The following STARD8 variants were observed in gnomAD, a reference collection of about 807,000 sequenced individuals.
The protein encoded by STARD8 is stAR-related lipid transfer protein 8.
In STARD8, 25 loss-of-function variants were observed where a neutral mutation model predicts 69.4. The observed-to-expected ratio is 0.36, with a 90% confidence interval of 0.26 to 0.50. The LOEUF is 0.50. Among genes scored for constraint, STARD8 ranks in the 20% least tolerant of loss-of-function variants. The pLI is 0.96. For synonymous variants in STARD8, 389 were observed against 374.6 expected (o/e 1.04, Z -0.45); for missense variants, 921 against 932.5 (o/e 0.99, Z 0.16).
intron 2 of STARD8, among the ~76,000 whole-genome samples, chrX:68,670,093 T>C (rs999107501): frequency 2.7e-5 from 3 of 112,253 alleles, no homozygotes. Context: ...AGGGAGCATC[T>C]GGAATTTATT....
At chrX:68,654,343 C>T (rs2079598437) in intron 1 of STARD8, among the ~76,000 whole-genome samples, 1 of 111,699 alleles carries the variant, frequency 9.0e-6, no homozygotes, top group African/African-American at 3.3e-5. Flanking sequence ...ACACATGCCA[C>T]ACACACACAT....
chrX:68,723,959 A>G lies in STARD8; in HGVS notation c.3032A>G (p.Asp1011Gly). The G allele has an allele frequency of 8.3e-7, 1 of 1,211,655 alleles. No homozygotes were observed. The highest frequency in any genetic ancestry group is 1.1e-6 in the Non-Finnish European group (1 of 895,418). The change falls in exon 14 of 15, where the codon GAC (aspartate) becomes GGC (glycine). Residue 1011 changes from aspartate to glycine, a missense_variant. Transcript: ENST00000374599. ...TTCTCCAATAGGATGTGGCGCTCTG[A>G]CCTGCCTCGTGGGGGTTGCCTGCTT... ...DFVVLRMWRS[D>G]LPRGGCLLVS...
intron 2 of STARD8, among the ~76,000 whole-genome samples, chrX:68,699,720 A>G (rs1472086053): frequency 8.9e-6 from 1 of 112,022 alleles, no homozygotes; most frequent in Non-Finnish European, 1.9e-5. Context: ...GGGCACTGGA[A>G]ACCCCTCACT....
chrX:68,703,193 G>A (rs1171496528), intron 2 of STARD8, among the ~76,000 whole-genome samples: 1 of 112,076 alleles, frequency 8.9e-6, no homozygotes, highest in Non-Finnish European at 1.9e-5. Flanking sequence ...CCGGGAGGTC[G>A]AGGCTGCAGT....
chrX:68,662,573 G>A (rs1046312303), intron 1 of STARD8, among the ~76,000 whole-genome samples: 7 of 111,695 alleles, frequency 6.3e-5, no homozygotes, highest in African/African-American at 2.3e-4. Flanking sequence ...TCCTAAATGT[G>A]ACAGTTCTGG....
intron 2 of STARD8, among the ~76,000 whole-genome samples, chrX:68,684,009 T>C (rs1466707066): frequency 8.9e-6 from 1 of 112,689 alleles, no homozygotes; most frequent in Non-Finnish European, 1.9e-5. Context: ...TGATGATATA[T>C]ATACTTCAGA....
At chrX:68,656,728 A>G (rs367839144) in intron 1 of STARD8, among the ~76,000 whole-genome samples, 3 of 111,425 alleles carry the variant, frequency 2.7e-5, no homozygotes, top group East Asian at 5.7e-4. Flanking sequence ...TGAAGATGGA[A>G]ACCATCATTC....
intron 2 of STARD8, among the ~76,000 whole-genome samples, chrX:68,675,314 G>A (rs1200398089): frequency 1.8e-5 from 2 of 110,650 alleles, no homozygotes; most frequent in South Asian, 3.8e-4. Context: ...GGCTGGTCTC[G>A]AACTCCTGAC....
intron 6 of STARD8, 140 bp downstream of exon 6, chrX:68,718,769 A>G: frequency 7.6e-6 from 8 of 1,055,606 alleles, no homozygotes; most frequent in Non-Finnish European, 9.8e-6. Context: ...CAGGAGAGAG[A>G]GTACAGGACT....
At chrX:68,652,927 A>C (rs2079563605) in intron 1 of STARD8, among the ~76,000 whole-genome samples, 5 of 31,886 alleles carry the variant, frequency 1.6e-4, no homozygotes, top group East Asian at 1.2e-3. Context: ...CACACACATC[A>C]CACACACCAC....
chrX:68,652,973 CACACA>C (rs2079565834), intron 1 of STARD8, among the ~76,000 whole-genome samples: 1 of 41,499 alleles, frequency 2.4e-5, no homozygotes. Flanking sequence ...CACCACACAC[CACACA>C]CCACACACAC....
intron 2 of STARD8, among the ~76,000 whole-genome samples, chrX:68,672,023 G>C (rs1003457151): frequency 1.8e-5 from 2 of 112,050 alleles, no homozygotes; most frequent in Non-Finnish European, 3.8e-5. Context: ...AAATGTTGGC[G>C]ATCATAGCTC....
intron 8 of STARD8, 95 bp downstream of exon 8, chrX:68,720,518 G>T (rs956614673): frequency 4.2e-5 from 42 of 1,000,552 alleles, no homozygotes; most frequent in Middle Eastern, 3.9e-4. Flanking sequence ...GAGAGGAACT[G>T]CTCTGGCCTT....
intron 1 of STARD8, among the ~76,000 whole-genome samples, chrX:68,652,867 ACACAC>A (rs773876239): frequency 0.014 from 23 of 1,591 alleles, no homozygotes; most frequent in Non-Finnish European, 0.02. Flanking sequence ...CCACACACAC[ACACAC>A]CCACACCCCA....
intron 1 of STARD8, among the ~76,000 whole-genome samples, chrX:68,664,693 G>T (rs908318786): frequency 1.7e-4 from 19 of 111,306 alleles, no homozygotes; most frequent in African/African-American, 5.9e-4. Context: ...CTCCTTCTTG[G>T]TTCTTAGTGA....
intron 1 of STARD8, among the ~76,000 whole-genome samples, chrX:68,658,972 G>A (rs193251797): frequency 2.9e-4 from 33 of 112,376 alleles, no homozygotes; most frequent in African/African-American, 1.1e-3. Flanking sequence ...ACTTTCCCTG[G>A]CCCTTTCCTC....
At chrX:68,684,857 G>A (rs1308406596) in intron 2 of STARD8, among the ~76,000 whole-genome samples, 1 of 112,748 alleles carries the variant, frequency 8.9e-6, no homozygotes, top group East Asian at 2.8e-4. Flanking sequence ...CAAACTCACT[G>A]TGTGACCTTG....
intron 2 of STARD8, among the ~76,000 whole-genome samples, chrX:68,680,669 G>A (rs1849165000): frequency 8.9e-6 from 1 of 111,764 alleles, no homozygotes; most frequent in South Asian, 3.8e-4. Context: ...CAGGTGACAG[G>A]AAGAGGAAAA....
chrX:68,708,391 A>G (rs190042528), intron 2 of STARD8, among the ~76,000 whole-genome samples: 1 of 112,872 alleles, frequency 8.9e-6, no homozygotes, highest in Admixed American at 9.3e-5. Flanking sequence ...TCTCAAGACC[A>G]GAAGGCCTGC....
Sources: gnomAD v4.1 joint callset for allele counts (sites outside exome capture counted in the v4.1 genomes callset) on GRCh38, gnomAD v4.1.1 for gene constraint, MANE v1.5 for transcripts, NCBI Gene and HGNC (gene_info 2026-07-23, HGNC 2026-07-21) for gene names.